Variants in TSPAN9 observed in about 807,000 individuals in gnomAD.
TSPAN9 encodes the protein tetraspanin 9, also known as tetraspanin-9.
Under a neutral mutation model 31.0 loss-of-function variants are expected in TSPAN9, and 16 were observed. The observed-to-expected ratio is 0.52, with a 90% CI of 0.35 to 0.78. The LOEUF (loss-of-function observed/expected upper bound fraction) is 0.78, where lower values mean the gene tolerates loss of function less well. Among genes scored for constraint, TSPAN9 ranks in the 30% least tolerant of loss-of-function variants. TSPAN9 has a pLI of 0.01. For synonymous variants in TSPAN9, 145 were observed against 121.6 expected, an observed-to-expected ratio of 1.19 and a Z score of -1.27; for missense variants, 272 against 312.5, an observed-to-expected ratio of 0.87 and a Z score of 0.98.
chr12:3,229,042 T>C (rs1462391481), intron 3 of TSPAN9, among the ~76,000 whole-genome samples: 1 of 152,220 alleles, frequency 6.6e-6, no homozygotes, highest in South Asian at 2.1e-4. Context: ...CAGGATGATC[T>C]CCTTATTTCA....
At chr12:3,196,777 C>T (rs537402796) in intron 2 of TSPAN9, among the ~76,000 whole-genome samples, 1 of 152,288 alleles carries the variant, frequency 6.6e-6, no homozygotes, top group East Asian at 1.9e-4. Flanking sequence ...CCTGTTGTTT[C>T]CCCTACCTGC....
At chr12:3,226,565 G>A (rs1236212151) in intron 3 of TSPAN9, among the ~76,000 whole-genome samples, 3 of 150,418 alleles carry the variant, frequency 2.0e-5, no homozygotes, top group Non-Finnish European at 4.4e-5. Flanking sequence ...ATATATGGCT[G>A]AGGCAGAAGG....
At chr12:3,089,671 G>A (rs931696047) in intron 2 of TSPAN9, among the ~76,000 whole-genome samples, 4 of 152,018 alleles carry the variant, frequency 2.6e-5, no homozygotes, top group South Asian at 4.2e-4. Flanking sequence ...AGCACTCTGG[G>A]GGGCCGAGGT....
At chr12:3,078,110 C>T (rs1469864436) in intron 1 of TSPAN9, among the ~76,000 whole-genome samples, 1 of 152,162 alleles carries the variant, frequency 6.6e-6, no homozygotes, top group African/African-American at 2.4e-5. Context: ...GGATCTCCTC[C>T]CTCTTTGAAA....
At chr12:3,224,945 G>A (rs2098386399) in intron 3 of TSPAN9, among the ~76,000 whole-genome samples, 1 of 152,194 alleles carries the variant, frequency 6.6e-6, no homozygotes. Context: ...GGCTCATCCC[G>A]ATGGGGCAGC....
intron 2 of TSPAN9, among the ~76,000 whole-genome samples, chr12:3,136,369 T>C (rs1815068961): frequency 6.6e-6 from 1 of 152,162 alleles, no homozygotes; most frequent in African/African-American, 2.4e-5. Context: ...TGCGTGGGGC[T>C]CGACAGTTTG....
intron 3 of TSPAN9, among the ~76,000 whole-genome samples, chr12:3,244,613 G>A (rs1185983374): frequency 1.3e-5 from 2 of 152,224 alleles, no homozygotes; most frequent in Non-Finnish European, 2.9e-5. Context: ...ACGCGCTGCA[G>A]GCAGACAGCG....
chr12:3,078,831 G>A (rs1591616624), intron 1 of TSPAN9, among the ~76,000 whole-genome samples: 1 of 151,924 alleles, frequency 6.6e-6, no homozygotes, highest in Non-Finnish European at 1.5e-5. Context: ...TTCTGGCAGA[G>A]CTTTTTAAAC....
At chr12:3,128,450 G>A (rs1213442487) in intron 2 of TSPAN9, among the ~76,000 whole-genome samples, 1 of 152,168 alleles carries the variant, frequency 6.6e-6, no homozygotes, top group African/African-American at 2.4e-5. Flanking sequence ...AGGAGGCTGG[G>A]CGTGGTGGTG....
At chr12:3,126,065 G>C (rs1372966642) in intron 2 of TSPAN9, among the ~76,000 whole-genome samples, 1 of 152,182 alleles carries the variant, frequency 6.6e-6, no homozygotes, top group Admixed American at 6.5e-5. Flanking sequence ...TTTTGGATGA[G>C]AGATTCAGAT....
intron 2 of TSPAN9, among the ~76,000 whole-genome samples, chr12:3,134,887 G>T (rs1038260623): frequency 6.6e-6 from 1 of 152,108 alleles, no homozygotes; most frequent in Non-Finnish European, 1.5e-5. Context: ...GTTTGTACAG[G>T]CACATCATCC....
At chr12:3,212,219 C>T (rs1023095822) in intron 3 of TSPAN9, among the ~76,000 whole-genome samples, 5 of 152,160 alleles carry the variant, frequency 3.3e-5, no homozygotes, top group South Asian at 4.1e-4. Flanking sequence ...ATCTGCCAGC[C>T]TCGGCCTCCC....
chr12:3,153,604 C>T (rs555614053), intron 2 of TSPAN9, among the ~76,000 whole-genome samples: 80 of 152,198 alleles, frequency 5.3e-4, no homozygotes, highest in Non-Finnish European at 9.1e-4. Context: ...TATCCGTTTT[C>T]CTACTGTTGA....
chr12:3,200,287 G>T (rs1405004917), intron 2 of TSPAN9: 1 of 152,258 alleles, frequency 6.6e-6, no homozygotes, highest in African/African-American at 2.4e-5. Context: ...GCAGGGGGCG[G>T]GGCCGAGGGC....
intron 2 of TSPAN9, among the ~76,000 whole-genome samples, chr12:3,119,587 C>G (rs1488194068): frequency 6.6e-6 from 1 of 152,166 alleles, no homozygotes; most frequent in Admixed American, 6.5e-5. Context: ...CCCGTCCTGC[C>G]CCTGCCCGGA....
At chr12:3,189,733 C>T (rs1858113993) in intron 2 of TSPAN9, among the ~76,000 whole-genome samples, 1 of 152,114 alleles carries the variant, frequency 6.6e-6, no homozygotes, top group Non-Finnish European at 1.5e-5. Flanking sequence ...TTTAGGAGGC[C>T]CCTTCAGTGG....
chr12:3,278,338 TG>T, intron 3 of TSPAN9, 82 bp from the exon 4 acceptor site: 2 of 1,534,308 alleles, frequency 1.3e-6, no homozygotes, highest in Non-Finnish European at 8.8e-7. Context: ...TCTCAGAGCA[TG>T]GGGTGGGGAC....
intron 3 of TSPAN9, among the ~76,000 whole-genome samples, chr12:3,256,775 A>G (rs940813705): frequency 6.6e-6 from 1 of 152,164 alleles, no homozygotes; most frequent in Non-Finnish European, 1.5e-5. Flanking sequence ...AGGAGCCATC[A>G]TGGAGCTGGA....
At chr12:3,270,948 A>G (rs1862666367) in intron 3 of TSPAN9, among the ~76,000 whole-genome samples, 1 of 152,260 alleles carries the variant, frequency 6.6e-6, no homozygotes, top group African/African-American at 2.4e-5. Context: ...TTATAACTGC[A>G]GAGGCTTGCA....
Sources: gnomAD v4.1 joint callset for allele counts (sites outside exome capture counted in the v4.1 genomes callset) on GRCh38, gnomAD v4.1.1 for gene constraint, MANE v1.5 for transcripts, NCBI Gene and HGNC (gene_info 2026-07-23, HGNC 2026-07-21) for gene names.